Variants in ANXA5 observed in about 807,000 individuals in gnomAD.
ANXA5 encodes annexin A5, also known as CBP-I.
In ANXA5, 40 loss-of-function variants were observed where a neutral mutation model predicts 48.1. The observed-to-expected ratio is 0.83, with a 90% CI of 0.65 to 1.08. ANXA5 has a LOEUF of 1.08. ANXA5 is among the 50% of genes least tolerant of loss of function. The probability of loss-of-function intolerance (pLI) is 0.00; values close to 1 mark genes in which losing one functional copy is unlikely to be tolerated. For missense variants in ANXA5, 357 were observed against 376.8 expected (o/e 0.95, Z 0.44); for synonymous variants, 113 against 129.1 (o/e 0.88, Z 0.85).
chr4:121,686,409 G>A, intron 2 of ANXA5, 37 bp from the exon 3 acceptor site: 1 of 1,439,620 alleles, frequency 6.9e-7, no homozygotes, highest in East Asian at 2.3e-5. Flanking sequence ...TTCATATCAT[G>A]ACTAATATGA....
intron 2 of ANXA5, among the ~76,000 whole-genome samples, chr4:121,692,433 G>A (rs1189365296): frequency 6.6e-6 from 1 of 152,192 alleles, no homozygotes; most frequent in Non-Finnish European, 1.5e-5. Context: ...GTGATGTCTT[G>A]AGTGAGTTAA....
At chr4:121,694,842 A>G (rs1406233469) in intron 2 of ANXA5, among the ~76,000 whole-genome samples, 1 of 152,242 alleles carries the variant, frequency 6.6e-6, no homozygotes, top group African/African-American at 2.4e-5. Context: ...TCTTGGTGTT[A>G]TATTGTCATA....
chr4:121,693,288 G>C (rs907381603), intron 2 of ANXA5, among the ~76,000 whole-genome samples: 3 of 151,770 alleles, frequency 2.0e-5, no homozygotes, highest in African/African-American at 7.3e-5. Flanking sequence ...GAAGCCAGGA[G>C]TATAATTCCT....
intron 2 of ANXA5, among the ~76,000 whole-genome samples, chr4:121,693,979 G>T (rs576214140): frequency 6.6e-6 from 1 of 151,116 alleles, no homozygotes; most frequent in East Asian, 2.0e-4. Flanking sequence ...TAAACCAACC[G>T]AAAATATTTC....
chr4:121,683,410 T>C lies in ANXA5; in HGVS notation c.257A>G (p.Lys86Arg). 6.2e-7 allele frequency: 1 copy of C among 1,611,220 alleles called. No homozygotes were observed. Among genetic ancestry groups the C allele is most frequent in the Non-Finnish European group, 8.5e-7 (1 of 1,178,382 alleles). Residue 86 changes from lysine to arginine, a missense_variant, in exon 5 of 13, where the codon AAA becomes AGA. By Grantham distance (26) the Lys-to-Arg change is conservative (BLOSUM62 2). Coordinates refer to ENST00000296511, the MANE Select transcript of ANXA5 (RefSeq NM_001154.4). ...ATAAGCATCATAAAGCCGAGAGGGT[T>C]TCATCAGAGCCACAATTAATTTTTC... is the stretch of plus-strand genomic sequence containing the variant. ...KFEKLIVALM[K>R]PSRLYDAYEL...
At chr4:121,679,331 G>A (rs1001482669) in intron 6 of ANXA5, among the ~76,000 whole-genome samples, 3 of 152,034 alleles carry the variant, frequency 2.0e-5, no homozygotes, top group African/African-American at 7.2e-5. Context: ...TCCTGTCCCT[G>A]ATTTATCCTC....
chr4:121,673,961 C>T (rs1439128004), intron 8 of ANXA5, among the ~76,000 whole-genome samples: 2 of 151,578 alleles, frequency 1.3e-5, no homozygotes, highest in Admixed American at 6.6e-5. Flanking sequence ...GCAGGTGGAT[C>T]GCTTGAGCCC....
intron 2 of ANXA5, among the ~76,000 whole-genome samples, chr4:121,687,032 C>T (rs907774083): frequency 7.9e-5 from 12 of 152,194 alleles, no homozygotes; most frequent in Non-Finnish European, 1.2e-4. Flanking sequence ...ATCGGCTGGG[C>T]GCAGTGGCTC....
intron 7 of ANXA5, 125 bp from the exon 8 acceptor site, chr4:121,678,075 C>G (rs1724726722): frequency 1.3e-6 from 1 of 764,368 alleles, no homozygotes. Flanking sequence ...TTATTAAGAT[C>G]AATCCTGCAC....
At chr4:121,695,922 A>C (rs1449247596) in intron 2 of ANXA5, among the ~76,000 whole-genome samples, 1 of 151,986 alleles carries the variant, frequency 6.6e-6, no homozygotes, top group East Asian at 1.9e-4. Context: ...GAAAAAAAAA[A>C]AACAGTAAAG....
chr4:121,683,429 AT>A lies in ANXA5; in HGVS notation c.237del (p.Lys79AsnfsTer2). On this transcript the variant is annotated frameshift_variant, in exon 5 of 13. Transcript: ENST00000296511. LOFTEE classifies it high-confidence loss of function. ...GAGGGTTTCATCAGAGCCACAATTAATTTTTCAAATTTTCCAGTTAGTTCTG... is the reference window on the plus strand; with the variant it reads ...GAGGGTTTCATCAGAGCCACAATTAATTTTCAAATTTTCCAGTTAGTTCTG... Reference protein sequence around the residue: ...LKSELTGKFEKLIVALMKPSR... With the variant: ...LKSELTGKFEXLIVALMKPSR... 6.2e-7 allele frequency: 1 copy of A among 1,611,578 alleles called. No homozygotes were observed. The highest frequency in any genetic ancestry group is 2.2e-5 in the East Asian group (1 of 44,700).
chr4:121,696,671 G>T (rs1195837025), intron 1 of ANXA5, 47 bp from the exon 2 acceptor site: 2 of 1,245,518 alleles, frequency 1.6e-6, no homozygotes, highest in East Asian at 3.0e-5. Flanking sequence ...TTTGCAACTC[G>T]TGCCCTCCCC....
intron 8 of ANXA5, among the ~76,000 whole-genome samples, chr4:121,676,649 G>GT (rs1349771639): frequency 1.3e-5 from 2 of 148,628 alleles, no homozygotes; most frequent in East Asian, 4.0e-4. Flanking sequence ...TCCAGAGAAC[G>GT]TGGCAAGAAC....
At chr4:121,690,596 A>G (rs1339537072) in intron 2 of ANXA5, among the ~76,000 whole-genome samples, 1 of 152,186 alleles carries the variant, frequency 6.6e-6, no homozygotes, top group Non-Finnish European at 1.5e-5. Context: ...AAGGCTTGAT[A>G]AGGTTTGTAG....
rs1015613891 is a variant in ANXA5, at chr4:121,672,745, T to C, written c.532-119A>G. ...CACTTGATTCATCATCTTGTATTAATAGTTTTCATTTCTAATGTGTCCTAC... is the reference window on the plus strand; with the variant it reads ...CACTTGATTCATCATCTTGTATTAACAGTTTTCATTTCTAATGTGTCCTAC... On this transcript the variant is annotated intron_variant, in intron 8 of 12. Transcript: ENST00000296511. The C allele has an allele frequency of 2.2e-4, 161 of 717,130 alleles. No homozygotes were observed. In the African/African-American group the frequency reaches 2.7e-3, roughly 12 times the overall value. The allele number at this position is 717,130 out of a possible 1,614,324, so 44.4% of individuals were successfully genotyped here.
At chr4:121,690,273 C>T (rs1447455677) in intron 2 of ANXA5, among the ~76,000 whole-genome samples, 1 of 152,166 alleles carries the variant, frequency 6.6e-6, no homozygotes, top group Non-Finnish European at 1.5e-5. Context: ...AGGACCTTGG[C>T]TCCTGGGCTC....
rs71599154 is a variant in ANXA5 at position 121,685,034 on chromosome 4, G to GTATATATA, written c.95-271_95-264dup. ...CATCTCTTAGAAAAAAAAAAAATATGTATATATATATATATATACACACAC... is the reference window on the plus strand; with the variant it reads ...CATCTCTTAGAAAAAAAAAAAATATGTATATATATATATATATATATATATACACACAC... On this transcript the variant is annotated intron_variant, in intron 3 of 12. Transcript: ENST00000296511. Among the ~76,000 whole-genome samples the GTATATATA allele has an allele frequency of 2.3e-3, 311 of 135,924 alleles. 1 individual carries two copies. The highest frequency in any genetic ancestry group is 7.6e-3 in the African/African-American group (273 of 35,790). The allele number at this position is 135,924 out of a possible 152,430, so 89.2% of individuals were successfully genotyped here.
intron 3 of ANXA5, among the ~76,000 whole-genome samples, chr4:121,685,513 A>T (rs1045846227): frequency 4.6e-5 from 7 of 152,198 alleles, no homozygotes; most frequent in African/African-American, 1.7e-4. Flanking sequence ...GGCTTTCATA[A>T]ACAGCAGATA....
chr4:121,693,768 C>T (rs996153346), intron 2 of ANXA5, among the ~76,000 whole-genome samples: 10 of 152,112 alleles, frequency 6.6e-5, no homozygotes, highest in Admixed American at 1.3e-4. Context: ...GCACAGGCCA[C>T]GGGTAAACAG....
Sources: allele counts gnomAD v4.1 joint callset (sites outside exome capture counted in the v4.1 genomes callset), GRCh38; gene constraint gnomAD v4.1.1; transcripts MANE v1.5; gene names NCBI Gene and HGNC (gene_info 2026-07-23, HGNC 2026-07-21).